Variants in SUSD4 observed in about 807,000 individuals in gnomAD.
The protein encoded by SUSD4 is sushi domain-containing protein 4.
In SUSD4, 41 loss-of-function variants were observed where a neutral mutation model predicts 50.5. The observed-to-expected ratio is 0.81, with a 90% CI of 0.63 to 1.05. SUSD4 has a LOEUF of 1.05. Ranked by LOEUF, SUSD4 falls within the 50% of genes least tolerant of loss-of-function variation. The probability of loss-of-function intolerance (pLI) is 0.00; values close to 1 mark genes in which losing one functional copy is unlikely to be tolerated. For synonymous variants in SUSD4, 257 were observed against 257.3 expected (o/e 1.00, Z 0.01); for missense variants, 580 against 634.7 (o/e 0.91, Z 0.93).
chr1:223,342,373 G>A (rs1033274980), intron 2 of SUSD4, among the ~76,000 whole-genome samples: 1 of 152,222 alleles, frequency 6.6e-6, no homozygotes, highest in African/African-American at 2.4e-5. Context: ...TTGAATAGAT[G>A]TCCCTTCTCC....
At chr1:223,340,817 G>A (rs373597599) in intron 2 of SUSD4, among the ~76,000 whole-genome samples, 6 of 152,124 alleles carry the variant, frequency 3.9e-5, no homozygotes, top group South Asian at 2.1e-4. Context: ...TGAACTCCCC[G>A]GAGGAACATC....
intron 2 of SUSD4, among the ~76,000 whole-genome samples, chr1:223,339,712 C>A (rs1161110946): frequency 6.6e-6 from 1 of 152,188 alleles, no homozygotes; most frequent in Non-Finnish European, 1.5e-5. Context: ...GCCGAGGAAT[C>A]GTCTTTGCAG....
Position 223,351,089 on chromosome 1 carries a change from T to C in SUSD4, c.148+12189A>G, listed in dbSNP as rs184476881. 1.5e-3 allele frequency among the ~76,000 whole-genome samples: 230 copies of C among 152,348 alleles called. 4 individuals are homozygous for C. The highest frequency in any genetic ancestry group is 0.011 in the Admixed American group (167 of 15,308). On this transcript the variant is annotated intron_variant, in intron 2 of 8. Coordinates refer to ENST00000366878, the MANE Select transcript of SUSD4 (RefSeq NM_017982.4). ...TCTCACAACAGTTCTATAACATGGG[T>C]ACTATTATCCCCCATCTTACAGAAG...
chr1:223,357,501 A>G (rs1010655746), intron 2 of SUSD4, among the ~76,000 whole-genome samples: 3 of 152,190 alleles, frequency 2.0e-5, no homozygotes, highest in African/African-American at 7.2e-5. Context: ...AACTTGGACA[A>G]GTTGCTTGAT....
At chr1:223,271,902 A>G (rs1012131832) in intron 3 of SUSD4, among the ~76,000 whole-genome samples, 1 of 152,242 alleles carries the variant, frequency 6.6e-6, no homozygotes, top group Non-Finnish European at 1.5e-5. Flanking sequence ...CAGAAATAAC[A>G]TAATTTTCTA....
At chr1:223,239,478 A>T (rs1476031962) in intron 5 of SUSD4, among the ~76,000 whole-genome samples, 1 of 151,984 alleles carries the variant, frequency 6.6e-6, no homozygotes, top group African/African-American at 2.4e-5. Flanking sequence ...TGAGCATTTT[A>T]TCTGATTACA....
chr1:223,317,851 C>CTTTTTTTTTTTTTTTT (rs1172641015), intron 2 of SUSD4, among the ~76,000 whole-genome samples: 24 of 100,722 alleles, frequency 2.4e-4, no homozygotes, highest in South Asian at 3.7e-4. Flanking sequence ...TTTTTTTTTT[C>CTTTTTTTTTTTTTTTT]TTTTTTTTTT....
chr1:223,352,855 C>G lies in SUSD4; in HGVS notation c.148+10423G>C, dbSNP rs573302482. 3.9e-5 allele frequency among the ~76,000 whole-genome samples: 6 copies of G among 152,238 alleles called. No individual in the cohort carries two copies. The East Asian group carries it at 1.2e-3, about 29-fold the overall frequency. ...AGCCCATGGGGGCGAACTCACCATG[C>G]CCGCACACCTCCAGCATCCAGCAAC... is the stretch of plus-strand genomic sequence containing the variant. On this transcript the variant is annotated intron_variant, in intron 2 of 8. Coordinates refer to ENST00000366878, the MANE Select transcript of SUSD4 (RefSeq NM_017982.4).
At chr1:223,311,214 C>G (rs1341692664) in intron 2 of SUSD4, among the ~76,000 whole-genome samples, 2 of 152,222 alleles carry the variant, frequency 1.3e-5, no homozygotes, top group African/African-American at 4.8e-5. Context: ...CTATCTGAAG[C>G]TACTTAATTT....
chr1:223,324,006 G>A (rs1666735179), intron 2 of SUSD4, among the ~76,000 whole-genome samples: 1 of 151,816 alleles, frequency 6.6e-6, no homozygotes, highest in African/African-American at 2.4e-5. Context: ...CTGTGGATGT[G>A]AGGTTTCATT....
chr1:223,281,421 A>C (rs986817442), intron 3 of SUSD4, among the ~76,000 whole-genome samples: 20 of 152,234 alleles, frequency 1.3e-4, no homozygotes, highest in Non-Finnish European at 2.8e-4. Context: ...CACCAATCCC[A>C]CAGAAATACA....
intron 2 of SUSD4, among the ~76,000 whole-genome samples, chr1:223,359,332 TCTGCTCC>T (rs1668838991): frequency 6.6e-6 from 1 of 152,190 alleles, no homozygotes; most frequent in Non-Finnish European, 1.5e-5. Context: ...CGGACTATTT[TCTGCTCC>T]CTGAAGGGTC....
At chr1:223,290,459 C>A (rs929748573) in intron 3 of SUSD4, among the ~76,000 whole-genome samples, 1 of 152,204 alleles carries the variant, frequency 6.6e-6, no homozygotes, top group Non-Finnish European at 1.5e-5. Context: ...AAAATAAATA[C>A]ACCATTGTCT....
chr1:223,273,060 G>A (rs966346866), intron 3 of SUSD4, among the ~76,000 whole-genome samples: 10 of 152,192 alleles, frequency 6.6e-5, no homozygotes, highest in African/African-American at 1.9e-4. Context: ...CTGAGGAAAT[G>A]ACATTTATTA....
At chr1:223,356,119 C>T (rs1465714493) in intron 2 of SUSD4, among the ~76,000 whole-genome samples, 2 of 151,804 alleles carry the variant, frequency 1.3e-5, no homozygotes, top group African/African-American at 4.8e-5. Flanking sequence ...AAAGCAATTA[C>T]AATACTCTCA....
At chr1:223,252,232 A>ATATAT (rs1315896019) in intron 5 of SUSD4, among the ~76,000 whole-genome samples, 130 of 65,684 alleles carry the variant, frequency 2.0e-3, no homozygotes, top group African/African-American at 5.5e-3. Context: ...AAAAAAAAAA[A>ATATAT]AAAAATATAT....
chr1:223,243,470 T>C (rs1376788787), intron 5 of SUSD4, among the ~76,000 whole-genome samples: 1 of 152,178 alleles, frequency 6.6e-6, no homozygotes, highest in Non-Finnish European at 1.5e-5. Flanking sequence ...TGCAGGTGAC[T>C]CCCTGCCCCT....
intron 1 of SUSD4, 81 bp from the exon 2 acceptor site, chr1:223,363,541 C>T (rs1669130853): frequency 1.5e-6 from 2 of 1,344,720 alleles, no homozygotes; most frequent in Admixed American, 6.1e-5. Flanking sequence ...GCTCTGGGAC[C>T]CGGCGCCTCG....
chr1:223,336,323 G>A (rs1213363636), intron 2 of SUSD4, among the ~76,000 whole-genome samples: 1 of 152,106 alleles, frequency 6.6e-6, no homozygotes, highest in Non-Finnish European at 1.5e-5. Flanking sequence ...TGGGAAATGG[G>A]GAAGGAAACT....
Sources: allele counts gnomAD v4.1 joint callset (sites outside exome capture counted in the v4.1 genomes callset), GRCh38; gene constraint gnomAD v4.1.1; transcripts MANE v1.5; gene names NCBI Gene and HGNC (gene_info 2026-07-23, HGNC 2026-07-21).